DNAH6: variants seen among roughly 807,000 people sequenced by gnomAD.
The protein encoded by DNAH6 is dynein axonemal heavy chain 6, also known as axonemal beta dynein heavy chain 6.
A neutral mutation model predicts 491.4 loss-of-function variants in DNAH6; 340 were observed. That is an observed-to-expected ratio of 0.69 (90% CI 0.63 to 0.76). The LOEUF (loss-of-function observed/expected upper bound fraction) is 0.76, where lower values mean the gene tolerates loss of function less well. Ranked by LOEUF, DNAH6 falls within the 30% of genes least tolerant of loss-of-function variation. DNAH6 has a pLI of 0.00. For synonymous variants in DNAH6, 1,603 were observed against 1,686.1 expected, an observed-to-expected ratio of 0.95 and a Z score of 1.21; for missense variants, 4,443 against 4,972.2, an observed-to-expected ratio of 0.89 and a Z score of 3.20.
At chr2:84,615,950 G>A (rs1686813677) in intron 22 of DNAH6, among the ~76,000 whole-genome samples, 2 of 151,994 alleles carry the variant, frequency 1.3e-5, no homozygotes, top group East Asian at 1.9e-4. Context: ...GAGCTTTTTG[G>A]ATAAGTCTTT....
chr2:84,551,818 C>T (rs536508185), intron 9 of DNAH6, among the ~76,000 whole-genome samples: 18 of 152,110 alleles, frequency 1.2e-4, no homozygotes, highest in African/African-American at 3.9e-4. Flanking sequence ...GAGGCCAAGG[C>T]GGGTGGATCA....
intron 60 of DNAH6, among the ~76,000 whole-genome samples, chr2:84,726,169 T>G (rs1698608584): frequency 6.6e-6 from 1 of 152,154 alleles, no homozygotes; most frequent in Admixed American, 6.5e-5. Flanking sequence ...GAGTGGAGGA[T>G]GCTTCTTGAC....
chr2:84,703,184 C>T (rs1489013223), intron 49 of DNAH6, among the ~76,000 whole-genome samples: 1 of 152,212 alleles, frequency 6.6e-6, no homozygotes, highest in East Asian at 1.9e-4. Flanking sequence ...GGGCATGGAT[C>T]CAAACAACTG....
Position 84,715,562 on chromosome 2 carries a change from A to G in DNAH6, c.9546A>G (p.Val3182=), listed in dbSNP as rs1280614524. The G allele has an allele frequency of 6.4e-7, 1 of 1,551,416 alleles. No homozygotes were observed. Among genetic ancestry groups the G allele is most frequent in the Non-Finnish European group, 8.7e-7 (1 of 1,146,838 alleles). ...TGCACTCTGTGCTTCTCTTCCAGGT[A>G]TGCATTAAAGTTACCATTATCAATT... ...KMPNPHYLPE[V]CIKVTIINFT... The change falls in exon 58 of 77, where the codon GTA becomes GTG. Residue 3182 remains valine, a splice_region_variant and synonymous_variant. Coordinates refer to ENST00000389394, the MANE Select transcript of DNAH6 (RefSeq NM_001370.2).
intron 47 of DNAH6, among the ~76,000 whole-genome samples, chr2:84,699,131 C>T (rs558589252): frequency 1.3e-5 from 2 of 151,876 alleles, no homozygotes; most frequent in Non-Finnish European, 2.9e-5. Context: ...CCCAGCATCA[C>T]GCAATATATC....
chr2:84,556,060 A>G (rs1237647538), intron 10 of DNAH6, among the ~76,000 whole-genome samples: 1 of 152,084 alleles, frequency 6.6e-6, no homozygotes, highest in South Asian at 2.1e-4. Context: ...AAATTTCTCC[A>G]TTGCCTGTAG....
intron 9 of DNAH6, among the ~76,000 whole-genome samples, chr2:84,552,565 TTAATA>T (rs1319345309): frequency 9.2e-5 from 14 of 152,232 alleles, no homozygotes; most frequent in African/African-American, 3.4e-4. Flanking sequence ...TAAAGATTCA[TTAATA>T]TATTATTGGC....
intron 64 of DNAH6, among the ~76,000 whole-genome samples, chr2:84,776,647 C>T (rs1366387304): frequency 6.6e-6 from 1 of 152,232 alleles, no homozygotes; most frequent in African/African-American, 2.4e-5. Context: ...GTCCCACCAA[C>T]AGTGTAAAAG....
rs372225191 is a variant in DNAH6 at position 84,688,733 on chromosome 2, A to G, written c.7292+140A>G. 110 of 645,246 alleles carry G rather than the reference A, an allele frequency of 1.7e-4. 1 individual carries two copies. The African/African-American group carries it at 1.9e-3, about 11-fold the overall frequency. The allele number at this position is 645,246 out of a possible 1,614,324, so 40.0% of individuals were successfully genotyped here. A position where few individuals can be genotyped will look rare whatever the true frequency, so the allele number is the denominator to read the frequency against. On this transcript the variant is annotated intron_variant, in intron 45 of 76. Transcript: ENST00000389394. ...TTATTAACTCTCACCATAACTTAAG[A>G]GTTATTGTTTAACATATTTTAAATA...
At chr2:84,611,580 A>G in intron 21 of DNAH6, 94 bp from the exon 22 acceptor site, 1 of 1,096,990 alleles carries the variant, frequency 9.1e-7, no homozygotes, top group Non-Finnish European at 1.3e-6. Context: ...TCAAGGAAAA[A>G]GATACAGTGA....
intron 72 of DNAH6, among the ~76,000 whole-genome samples, chr2:84,809,597 A>G (rs1009512098): frequency 6.6e-6 from 1 of 152,178 alleles, no homozygotes; most frequent in African/African-American, 2.4e-5. Flanking sequence ...CTAAGCTGCT[A>G]TGATAAAGAC....
chr2:84,567,033 A>C (rs113186611), intron 11 of DNAH6, among the ~76,000 whole-genome samples: 18 of 152,144 alleles, frequency 1.2e-4, no homozygotes, highest in African/African-American at 4.3e-4. Flanking sequence ...AAATTATTTT[A>C]TGATTTGTTC....
chr2:84,697,827 AT>A (rs1396849894), intron 47 of DNAH6, 100 bp downstream of exon 47: 3 of 1,284,572 alleles, frequency 2.3e-6, no homozygotes, highest in East Asian at 2.5e-5. Context: ...CATGAATAAA[AT>A]TTTTTTCAAT....
At chr2:84,464,273 A>G in the DNAH6 span, among the ~76,000 whole-genome samples, 1 of 152,192 alleles carries the variant, frequency 6.6e-6, no homozygotes, top group African/African-American at 2.4e-5. Context: ...CGTGGGCTAC[A>G]AGAAACATCC....
chr2:84,616,514 C>T (rs1475791242), intron 22 of DNAH6, among the ~76,000 whole-genome samples: 2 of 152,056 alleles, frequency 1.3e-5, no homozygotes, highest in African/African-American at 2.4e-5. Context: ...GCTACTCCTG[C>T]CCACTTTTGG....
chr2:84,488,385 TTAAA>T, the DNAH6 span, among the ~76,000 whole-genome samples: 2 of 82,520 alleles, frequency 2.4e-5, no homozygotes, highest in Admixed American at 1.3e-4. Context: ...ATAAAAAAAA[TTAAA>T]AAATAAAAAA....
At chr2:84,585,047 T>C (rs1275948279) in intron 15 of DNAH6, among the ~76,000 whole-genome samples, 1 of 152,208 alleles carries the variant, frequency 6.6e-6, no homozygotes, top group Non-Finnish European at 1.5e-5. Context: ...TACCTTTACA[T>C]GTATTAACGT....
chr2:84,525,551 T>G lies in DNAH6; in HGVS notation c.226-14T>G. 1 of 1,533,248 alleles carries G rather than the reference T, an allele frequency of 6.5e-7. No individual in the cohort carries two copies. The highest frequency in any genetic ancestry group is 8.8e-7 in the Non-Finnish European group (1 of 1,141,948). 95.0% of individuals were successfully genotyped at this position (1,533,248 alleles called of 1,614,324 possible). On this transcript the variant is annotated splice_polypyrimidine_tract_variant and intron_variant, in intron 2 of 76. Coordinates refer to ENST00000389394, the MANE Select transcript of DNAH6 (RefSeq NM_001370.2). ...ATGTTAATAAAAATTAACATGTCTC[T>G]CTATTTCCCAAAGCCAGTGCTAAAA...
upstream of DNAH6, among the ~76,000 whole-genome samples, chr2:84,514,692 G>A (rs1675468603): frequency 6.6e-6 from 1 of 152,036 alleles, no homozygotes; most frequent in African/African-American, 2.4e-5. Flanking sequence ...AAAATAGCAG[G>A]CTATACACAA....
Sources: allele counts gnomAD v4.1 joint callset (sites outside exome capture counted in the v4.1 genomes callset), GRCh38; gene constraint gnomAD v4.1.1; transcripts MANE v1.5; gene names NCBI Gene and HGNC (gene_info 2026-07-23, HGNC 2026-07-21).